The following FMNL1 variants were observed in gnomAD, a reference collection of about 807,000 sequenced individuals.
FMNL1 encodes the protein formin-like protein 1.
A neutral mutation model predicts 121.3 loss-of-function variants in FMNL1; 43 were observed. The observed-to-expected ratio is 0.35, with a 90% CI of 0.28 to 0.46. The LOEUF (loss-of-function observed/expected upper bound fraction) is 0.46, where lower values mean the gene tolerates loss of function less well. Among genes scored for constraint, FMNL1 ranks in the 20% least tolerant of loss-of-function variants. The pLI is 1.00. For synonymous variants in FMNL1, 613 were observed against 613.5 expected (o/e 1.00, Z 0.01); for missense variants, 1,191 against 1,482.4 (o/e 0.80, Z 3.23).
Position 45,245,239 on chromosome 17 carries a change from C to A in FMNL1, c.2729-14C>A. On this transcript the variant is annotated splice_polypyrimidine_tract_variant and intron_variant, in intron 21 of 26. Transcript: ENST00000331495. Reference sequence around the variant, plus strand: ...CCGATTCACTGACCTGATACTGCCCCATCCCTGGCCCAGTGTCCCTGGACA... The same window carrying A: ...CCGATTCACTGACCTGATACTGCCCAATCCCTGGCCCAGTGTCCCTGGACA... 1 of 1,614,146 alleles carries A rather than the reference C, an allele frequency of 6.2e-7. No individual in the cohort carries two copies. Among genetic ancestry groups the A allele is most frequent in the Non-Finnish European group, 8.5e-7 (1 of 1,180,018 alleles).
Position 45,222,150 on chromosome 17 carries a change from A to T in FMNL1, c.26A>T (p.Glu9Val). ...ATGGGCAACGCGGCCGGCAGCGCCG[A>T]GCAGCCCGCGGGCCCCGCCGCGCCG... The part of the protein sequence containing the change: MGNAAGSA[E>V]QPAGPAAPPP... The change falls in exon 1 of 27, where the codon GAG (glutamate) becomes GTG (valine). Residue 9 changes from glutamate to valine, a missense_variant. By Grantham distance (121) the Glu-to-Val change is moderately radical. Around this residue, in one of 4 missense-constraint regions of FMNL1, gnomAD observed 52 missense variants for 43.4 expected, o/e 1.20. Transcript: ENST00000331495. 8.4e-7 allele frequency: 1 copy of T among 1,194,456 alleles called. No individual in the cohort carries two copies. The highest frequency in any genetic ancestry group is 1.0e-6 in the Non-Finnish European group (1 of 966,922). The allele number at this position is 1,194,456 out of a possible 1,614,324, so 74.0% of individuals were successfully genotyped here.
At position 45,239,030 on chromosome 17, in the gene FMNL1, G is replaced by A. The variant is rs2143488811; in HGVS notation, c.1045G>A (p.Glu349Lys). ...NMNFRVFLQYEFTHLGLDLYL... is the reference protein window; with the variant it reads ...NMNFRVFLQYKFTHLGLDLYL... ...GAACTTCCGTGTCTTCCTGCAATAT[G>A]AGTTCACCCACTTGGGCCTGGACCT... The change falls in exon 11 of 27, where the codon GAG becomes AAG. Residue 349 changes from glutamate to lysine, a missense_variant. Physicochemically the swap from Glu to Lys is moderately conservative, Grantham distance 56. This residue lies in a region of FMNL1 where 253 missense variants were observed against 417.5 expected (regional missense o/e 0.61). Coordinates refer to ENST00000331495, the MANE Select transcript of FMNL1 (RefSeq NM_005892.4). 6.2e-7 allele frequency: 1 copy of A among 1,614,174 alleles called. No individual in the cohort carries two copies. Among genetic ancestry groups the A allele is most frequent in the East Asian group, 2.2e-5 (1 of 44,870 alleles).
rs1357972338 is a variant in FMNL1 at position 45,229,461 on chromosome 17, G to T, written c.130-1143G>T. Among the ~76,000 whole-genome samples the T allele has an allele frequency of 2.6e-5, 4 of 152,218 alleles. No individual in the cohort carries two copies. The South Asian group carries it at 8.3e-4, about 31-fold the overall frequency. On this transcript the variant is annotated intron_variant, in intron 1 of 26. Coordinates refer to ENST00000331495, the MANE Select transcript of FMNL1 (RefSeq NM_005892.4). Reference sequence around the variant, plus strand: ...GTCTCTGCAGAGCCACATGACTGAGGGTGTGGAGCGTGAACCACCATGGCT... The same window carrying T: ...GTCTCTGCAGAGCCACATGACTGAGTGTGTGGAGCGTGAACCACCATGGCT...
rs753874117 is a variant in FMNL1, at chr17:45,245,744, C to T, written c.2994+11C>T. On this transcript the variant is annotated intron_variant, in intron 23 of 26. Transcript: ENST00000331495. ...ATTAAGGCCTACAAGGTATTCGGGT[C>T]TGGGGCAGGCTGGGAGCCCTGTAGG... The T allele has an allele frequency of 5.0e-6, 8 of 1,608,264 alleles. No individual in the cohort carries two copies. The highest frequency in any genetic ancestry group is 3.3e-5 in the South Asian group (3 of 90,986).
rs2043711983 is a variant in FMNL1 at position 45,242,020 on chromosome 17, C to G, written c.1759C>G (p.Pro587Ala). Residue 587 changes from proline to alanine, a missense_variant, in exon 15 of 27, where the codon CCA (proline) becomes GCA (alanine). By Grantham distance (27) the Pro-to-Ala change is conservative. This residue lies in a region of FMNL1 where 519 missense variants were observed against 492.8 expected (regional missense o/e 1.05). Transcript: ENST00000331495. ...APPLPGDLPP[P>A]PPPPPPPPGT... ...GCCGCTGCCCGGAGACCTGCCGCCCCCACCCCCGCCACCGCCACCACCTCC... is the reference window on the plus strand; with the variant it reads ...GCCGCTGCCCGGAGACCTGCCGCCCGCACCCCCGCCACCGCCACCACCTCC... 2.2e-6 allele frequency: 3 copies of G among 1,346,904 alleles called. No homozygotes were observed. In the East Asian group the frequency reaches 1.0e-4, roughly 46 times the overall value. 83.4% of individuals were successfully genotyped at this position (1,346,904 alleles called of 1,614,324 possible).
rs760845080 is a variant in FMNL1, at chr17:45,242,447, T to C, written c.1992T>C (p.Asn664=). Residue 664 remains asparagine (N), a synonymous_variant, in exon 16 of 27, where the codon AAT becomes AAC. Coordinates refer to ENST00000331495, the MANE Select transcript of FMNL1 (RefSeq NM_005892.4). ...QITGTVFTEL[N]DEKVLQELDM... ...CCGGCACTGTCTTCACAGAGCTCAA[T>C]GATGAGAAGGTGCTGCAGGTGAGTG... 233 of 1,613,740 alleles carry C rather than the reference T, an allele frequency of 1.4e-4. No homozygotes were observed. Among genetic ancestry groups the C allele is most frequent in the Non-Finnish European group, 1.9e-4 (219 of 1,179,796 alleles).
rs1362733405 is a variant in FMNL1 at position 45,241,378 on chromosome 17, G to A, written c.1333-4G>A. 3 of 1,573,506 alleles carry A rather than the reference G, an allele frequency of 1.9e-6. No homozygotes were observed. Among genetic ancestry groups the A allele is most frequent in the African/African-American group, 1.4e-5 (1 of 73,682 alleles). ...GGCACTGACCCCTCCCGTGGGGTTC[G>A]TAGGAGCGCTTCAGCGAATCGACCG... On this transcript the variant is annotated splice_region_variant and splice_polypyrimidine_tract_variant and intron_variant, in intron 13 of 26. Transcript: ENST00000331495. The surrounding 1 kb of genome is among the most constrained non-coding windows in gnomAD (Gnocchi z 7.0).
At position 45,241,427 on chromosome 17, in the gene FMNL1, C is replaced by T; in HGVS notation, c.1378C>T (p.Pro460Ser). 2 of 1,563,194 alleles carry T rather than the reference C, an allele frequency of 1.3e-6. No homozygotes were observed. Among genetic ancestry groups the T allele is most frequent in the Non-Finnish European group, 1.7e-6 (2 of 1,154,452 alleles). The change falls in exon 14 of 27, where the codon CCA (proline) becomes TCA (serine). Residue 460 changes from proline to serine, a missense_variant. Physicochemically the swap from Pro to Ser is moderately conservative, Grantham distance 74. Around this residue, in one of 4 missense-constraint regions of FMNL1, gnomAD observed 519 missense variants for 492.8 expected, o/e 1.05. Coordinates refer to ENST00000331495, the MANE Select transcript of FMNL1 (RefSeq NM_005892.4). This position sits in a 1 kb window ranked among gnomAD's most constrained non-coding sequence, Gnocchi z 7.0. ...CGCCATGGGGCCCTCCAGGCGTCCC[C>T]CAGAGCCTGAGAAAGCGCCTCCCGC... ...STAMGPSRRP[P>S]EPEKAPPAAP...
At chr17:45,244,714 T>C in intron 19 of FMNL1, 105 bp from the exon 20 acceptor site, 6 of 1,164,108 alleles carry the variant, frequency 5.2e-6, no homozygotes, top group Non-Finnish European at 7.4e-6. Flanking sequence ...AGGGGCTGAG[T>C]GTGTGGGGCC....
In FMNL1 at chr17:45,236,142, C is replaced by T; in HGVS notation, c.621C>T (p.Thr207=). Residue 207 remains threonine (T), a synonymous_variant, in exon 7 of 27, where the codon ACC becomes ACT. Transcript: ENST00000331495. The part of the protein sequence containing the change: ...PKSRHLTIKL[T]PAHSRKALRN... ...TCCTCCACACCCCGCCCAGGCTGACCCCAGCCCACAGCAGGAAGGCCCTGC... is the reference window on the plus strand; with the variant it reads ...TCCTCCACACCCCGCCCAGGCTGACTCCAGCCCACAGCAGGAAGGCCCTGC... 6.2e-7 allele frequency: 1 copy of T among 1,611,820 alleles called. No individual in the cohort carries two copies. The highest frequency in any genetic ancestry group is 8.5e-7 in the Non-Finnish European group (1 of 1,179,890).
rs1401417805 is a variant in FMNL1 at position 45,231,473 on chromosome 17, G to A, written c.213+786G>A. 1 of 152,372 alleles carries A rather than the reference G, an allele frequency of 6.6e-6. No individual in the cohort carries two copies. The highest frequency in any genetic ancestry group is 6.5e-5 in the Admixed American group (1 of 15,292). The allele number at this position is 152,372 out of a possible 1,614,324, so 9.4% of individuals were successfully genotyped here. On this transcript the variant is annotated intron_variant, in intron 2 of 26. Coordinates refer to ENST00000331495, the MANE Select transcript of FMNL1 (RefSeq NM_005892.4). The surrounding 1 kb of genome is among the most constrained non-coding windows in gnomAD (Gnocchi z 4.7). ...CTGGGAAGTGGGAAGAGGGTGGAGAGCTGCCCCTGGAGTCTCTGGTAGGGG... is the reference window on the plus strand; with the variant it reads ...CTGGGAAGTGGGAAGAGGGTGGAGAACTGCCCCTGGAGTCTCTGGTAGGGG...
rs867770416 is a variant in FMNL1, at chr17:45,243,971, G to A, written c.2394G>A (p.Met798Ile). The A allele has an allele frequency of 2.5e-6, 4 of 1,612,858 alleles. No homozygotes were observed. Among genetic ancestry groups the A allele is most frequent in the Middle Eastern group, 1.6e-4 (1 of 6,078 alleles). Residue 798 changes from methionine (M) to isoleucine (I), a missense_variant, in exon 18 of 27, where the codon ATG becomes ATA. Coordinates refer to ENST00000331495, the MANE Select transcript of FMNL1 (RefSeq NM_005892.4). ...GCATCCCGCGCCTGCCGGAGCGCAT[G>A]ACCACACTCACCTTCCTGGGCAACT... ...FSRIPRLPER[M>I]TTLTFLGNFP...
chr17:45,233,600 G>C lies in FMNL1; in HGVS notation c.402-48G>C. The stretch of plus-strand genomic sequence containing the variant: ...CTGTCCCTGTTCTGTGCCCATGTGG[G>C]GCAGGACCTCCTTTCTGGCTGGAGC... On this transcript the variant is annotated intron_variant, in intron 4 of 26. Coordinates refer to ENST00000331495, the MANE Select transcript of FMNL1 (RefSeq NM_005892.4). This position sits in a 1 kb window ranked among gnomAD's most constrained non-coding sequence, Gnocchi z 4.1. 6.2e-7 allele frequency: 1 copy of C among 1,609,330 alleles called. No homozygotes were observed. The highest frequency in any genetic ancestry group is 8.5e-7 in the Non-Finnish European group (1 of 1,176,418).
rs780819151 is a variant in FMNL1, at chr17:45,244,202, A to C, written c.2475A>C (p.Ser825=). ...MPQLNAIIAA[S]MSIKSSDKLR... is the part of the protein sequence containing the mutation. ...AACTGAATGCCATCATTGCAGCCTC[A>C]ATGTCCATCAAGTCCTCTGACAAAC... Residue 825 remains serine, a synonymous_variant, in exon 19 of 27, where the codon TCA becomes TCC. Transcript: ENST00000331495. The C allele has an allele frequency of 6.2e-6, 10 of 1,613,100 alleles. No individual in the cohort carries two copies. The highest frequency in any genetic ancestry group is 8.5e-6 in the Non-Finnish European group (10 of 1,179,680).
intron 2 of FMNL1, 101 bp from the exon 3 acceptor site, chr17:45,232,266 C>A: frequency 1.0e-6 from 1 of 994,404 alleles, no homozygotes; most frequent in Non-Finnish European, 1.5e-6. Context: ...AAGCCTGGGA[C>A]CTCAGATCGG....
chr17:45,246,531 C>G lies in FMNL1; in HGVS notation c.3238C>G (p.Arg1080Gly). 1 of 1,614,052 alleles carries G rather than the reference C, an allele frequency of 6.2e-7. No individual in the cohort carries two copies. Among genetic ancestry groups the G allele is most frequent in the Non-Finnish European group, 8.5e-7 (1 of 1,179,910 alleles). ...TVIKTVPFTA[R>G]TGKRTSRLLC... ...GATCAAGACGGTGCCCTTCACGGCC[C>G]GCACCGGCAAGCGGACATCCCGGCT... The change falls in exon 26 of 27, where the codon CGC (arginine) becomes GGC (glycine). Residue 1080 changes from arginine (R) to glycine (G), a missense_variant. Around this residue, in one of 4 missense-constraint regions of FMNL1, gnomAD observed 367 missense variants for 528.6 expected, o/e 0.69. Coordinates refer to ENST00000331495, the MANE Select transcript of FMNL1 (RefSeq NM_005892.4).
chr17:45,246,515 G>C lies in FMNL1; in HGVS notation c.3222G>C (p.Thr1074=). ...AIEDIITVIK[T]VPFTARTGKR... is the part of the protein sequence containing the mutation. Reference sequence around the variant, plus strand: ...CCCACCCCCACTCAGTGATCAAGACGGTGCCCTTCACGGCCCGCACCGGCA... The same window carrying C: ...CCCACCCCCACTCAGTGATCAAGACCGTGCCCTTCACGGCCCGCACCGGCA... Residue 1074 remains threonine, a synonymous_variant, in exon 26 of 27, where the codon ACG becomes ACC. Transcript: ENST00000331495. 1.2e-6 allele frequency: 2 copies of C among 1,614,058 alleles called. No homozygotes were observed. Among genetic ancestry groups the C allele is most frequent in the Non-Finnish European group, 1.7e-6 (2 of 1,180,002 alleles).
Position 45,241,032 on chromosome 17 carries a change from C to G in FMNL1, c.1231-97C>G. On this transcript the variant is annotated intron_variant, in intron 12 of 26. Transcript: ENST00000331495. This position sits in a 1 kb window ranked among gnomAD's most constrained non-coding sequence, Gnocchi z 7.0. ...TGGGCTGAGCGGATCTGGGAGCCTC[C>G]CCCAGTCTTCCAGGCAGGCATGCCT... 6.8e-7 allele frequency: 1 copy of G among 1,468,096 alleles called. No individual in the cohort carries two copies. Among genetic ancestry groups the G allele is most frequent in the Non-Finnish European group, 9.4e-7 (1 of 1,063,384 alleles). The allele number at this position is 1,468,096 out of a possible 1,614,324, so 90.9% of individuals were successfully genotyped here.
At position 45,244,203 on chromosome 17, in the gene FMNL1, A is replaced by G. The variant is rs750281251; in HGVS notation, c.2476A>G (p.Met826Val). The stretch of plus-strand genomic sequence containing the variant: ...ACTGAATGCCATCATTGCAGCCTCA[A>G]TGTCCATCAAGTCCTCTGACAAACT... ...PQLNAIIAAS[M>V]SIKSSDKLRQ... The change falls in exon 19 of 27, where the codon ATG (methionine) becomes GTG (valine). Residue 826 changes from methionine (M) to valine (V), a missense_variant. Physicochemically the swap from Met to Val is conservative, Grantham distance 21 (BLOSUM62 1). Coordinates refer to ENST00000331495, the MANE Select transcript of FMNL1 (RefSeq NM_005892.4). 8.1e-6 allele frequency: 13 copies of G among 1,613,258 alleles called. No individual in the cohort carries two copies. The highest frequency in any genetic ancestry group is 9.3e-6 in the Non-Finnish European group (11 of 1,179,680).
Sources: allele counts gnomAD v4.1 joint callset (sites outside exome capture counted in the v4.1 genomes callset), GRCh38; gene constraint gnomAD v4.1.1; regional missense constraint gnomAD v4.1.1; non-coding constraint Gnocchi (gnomAD v3.1); transcripts MANE v1.5; gene names NCBI Gene and HGNC (gene_info 2026-07-23, HGNC 2026-07-21).